Variants in HOMER1 observed in about 807,000 individuals in gnomAD.
The protein encoded by HOMER1 is homer protein homolog 1.
HOMER1 carries 3 observed loss-of-function variants against 48.9 expected under a neutral mutation model. The observed-to-expected ratio is 0.06, with a 90% CI of 0.03 to 0.16. The LOEUF is 0.16. Ranked by LOEUF, HOMER1 falls within the 10% of genes least tolerant of loss-of-function variation. The pLI is 1.00. For missense variants in HOMER1, 247 were observed against 411.4 expected (o/e 0.60, Z 3.46); for synonymous variants, 134 against 146.4 (o/e 0.92, Z 0.61).
chr5:79,501,364 C>T (rs1394021137), intron 1 of HOMER1, among the ~76,000 whole-genome samples: 1 of 152,132 alleles, frequency 6.6e-6, no homozygotes, highest in African/African-American at 2.4e-5. Flanking sequence ...TGTTAATCAA[C>T]TGTTTATGTT....
chr5:79,380,507 G>A (rs576354366), intron 8 of HOMER1, among the ~76,000 whole-genome samples: 6 of 152,214 alleles, frequency 3.9e-5, no homozygotes, highest in Admixed American at 6.5e-5. Flanking sequence ...GCTGAGGCAT[G>A]AGTGGCGTGC....
rs114741602 is a variant in HOMER1 at position 79,407,507 on chromosome 5, G to C, written c.528-5452C>G. 2.7e-3 allele frequency among the ~76,000 whole-genome samples: 414 copies of C among 152,296 alleles called. 4 individuals carry two copies. The highest frequency in any genetic ancestry group is 9.4e-3 in the African/African-American group (392 of 41,570). On this transcript the variant is annotated intron_variant, in intron 5 of 8. Transcript: ENST00000334082. The stretch of plus-strand genomic sequence containing the variant: ...GCAGAGCAATGAAAACTATGGGAAA[G>C]AACCCAACAGAAATGTTAGAAATAC...
intron 8 of HOMER1, among the ~76,000 whole-genome samples, chr5:79,389,789 C>T (rs1226281538): frequency 1.3e-5 from 2 of 151,824 alleles, no homozygotes; most frequent in African/African-American, 4.8e-5. Context: ...CACAAAAGGA[C>T]TAAGACAGGA....
intron 1 of HOMER1, among the ~76,000 whole-genome samples, chr5:79,460,058 T>C (rs1360285943): frequency 1.3e-5 from 2 of 152,316 alleles, no homozygotes; most frequent in East Asian, 3.9e-4. Flanking sequence ...TCTCACTATA[T>C]TGCCCAGGCT....
At chr5:79,484,798 C>T (rs1233823079) in intron 1 of HOMER1, among the ~76,000 whole-genome samples, 4 of 152,116 alleles carry the variant, frequency 2.6e-5, no homozygotes, top group African/African-American at 9.7e-5. Flanking sequence ...TTTTGTTCAC[C>T]TTGTGTCTCC....
chr5:79,420,250 T>C (rs553271993), intron 5 of HOMER1, among the ~76,000 whole-genome samples: 3 of 152,332 alleles, frequency 2.0e-5, no homozygotes, highest in East Asian at 3.9e-4. Context: ...AGCTAAATAG[T>C]GAACAATTCT....
In HOMER1 at chr5:79,448,115, T is replaced by C. The variant is rs1415378097; in HGVS notation, c.295-970A>G. 2.0e-5 allele frequency among the ~76,000 whole-genome samples: 3 copies of C among 152,168 alleles called. No homozygotes were observed. In the East Asian group the frequency reaches 5.8e-4, roughly 29 times the overall value. On this transcript the variant is annotated intron_variant, in intron 3 of 8. Coordinates refer to ENST00000334082, the MANE Select transcript of HOMER1 (RefSeq NM_004272.5). The stretch of plus-strand genomic sequence containing the variant: ...AATTAAAGCCATCATTATCACAACT[T>C]TTCCTTCTTACCTTAAACCTTGTCA...
intron 1 of HOMER1, among the ~76,000 whole-genome samples, chr5:79,506,893 C>A (rs1752787723): frequency 6.6e-6 from 1 of 151,734 alleles, no homozygotes; most frequent in Non-Finnish European, 1.5e-5. Flanking sequence ...TACTGAAGAC[C>A]ATTGAATGAT....
intron 8 of HOMER1, among the ~76,000 whole-genome samples, chr5:79,386,002 CTT>C (rs1435929138): frequency 6.6e-6 from 1 of 151,960 alleles, no homozygotes; most frequent in Non-Finnish European, 1.5e-5. Flanking sequence ...AAAGGGCACT[CTT>C]TTACACAATG....
intron 1 of HOMER1, among the ~76,000 whole-genome samples, chr5:79,494,886 T>C (rs1255640409): frequency 6.6e-6 from 1 of 152,184 alleles, no homozygotes; most frequent in East Asian, 1.9e-4. Context: ...AGTCCAAAAC[T>C]TCCTCCATAT....
chr5:79,429,282 T>C (rs942112018), intron 5 of HOMER1, among the ~76,000 whole-genome samples: 11 of 152,088 alleles, frequency 7.2e-5, no homozygotes, highest in African/African-American at 2.4e-4. Context: ...CTTTGAGGCA[T>C]GAAAATCGCT....
chr5:79,474,981 G>C (rs1751722289), intron 1 of HOMER1, among the ~76,000 whole-genome samples: 1 of 152,152 alleles, frequency 6.6e-6, no homozygotes, highest in Non-Finnish European at 1.5e-5. Context: ...TGTCCCAAAG[G>C]AGGGAAGCCA....
chr5:79,465,346 G>GA (rs200165267), intron 1 of HOMER1, among the ~76,000 whole-genome samples: 56 of 148,946 alleles, frequency 3.8e-4, no homozygotes, highest in African/African-American at 1.1e-3. Context: ...CTTTAAAAAA[G>GA]AAAAAAAAAT....
At chr5:79,389,782 A>C (rs1270280089) in intron 8 of HOMER1, among the ~76,000 whole-genome samples, 3 of 152,238 alleles carry the variant, frequency 2.0e-5, no homozygotes, top group Non-Finnish European at 4.4e-5. Context: ...ACAGCAGCAC[A>C]AAAGGACTAA....
At chr5:79,484,539 C>T (rs1484226906) in intron 1 of HOMER1, among the ~76,000 whole-genome samples, 1 of 151,952 alleles carries the variant, frequency 6.6e-6, no homozygotes, top group Admixed American at 6.6e-5. Context: ...CACTGCAAGA[C>T]CCTGTCTCTT....
At chr5:79,417,371 T>C (rs1233427968) in intron 5 of HOMER1, among the ~76,000 whole-genome samples, 1 of 152,186 alleles carries the variant, frequency 6.6e-6, no homozygotes, top group African/African-American at 2.4e-5. Flanking sequence ...CTCAATCTCC[T>C]GACCTCGTGA....
chr5:79,428,849 G>A (rs1174075040), intron 5 of HOMER1, among the ~76,000 whole-genome samples: 2 of 152,118 alleles, frequency 1.3e-5, no homozygotes, highest in Non-Finnish European at 2.9e-5. Context: ...GGAACATTTT[G>A]GCCGTGAGCT....
chr5:79,414,564 C>T (rs112299687), intron 5 of HOMER1, among the ~76,000 whole-genome samples: 3,701 of 150,720 alleles, frequency 0.025, 147 homozygotes, highest in African/African-American at 0.085. Flanking sequence ...TTTTTTGTAG[C>T]GAGGGGGTCT....
rs139502062 is a variant in HOMER1 at position 79,404,698 on chromosome 5, TTTTCTTTC to T, written c.528-2651_528-2644del. On this transcript the variant is annotated intron_variant, in intron 5 of 8. Transcript: ENST00000334082. ...TTCAAGAGGATCTTGACATTCTGCCTTTTCTTTCTTTCTTTCTTTCTTTGAGATGGAGT... is the reference window on the plus strand; with the variant it reads ...TTCAAGAGGATCTTGACATTCTGCCTTTTCTTTCTTTCTTTGAGATGGAGT... 7.3e-5 allele frequency among the ~76,000 whole-genome samples: 11 copies of T among 151,632 alleles called. No individual in the cohort carries two copies. In the East Asian group the frequency reaches 1.6e-3, roughly 21 times the overall value.
Sources: gnomAD v4.1 joint callset for allele counts (sites outside exome capture counted in the v4.1 genomes callset) on GRCh38, gnomAD v4.1.1 for gene constraint, MANE v1.5 for transcripts, NCBI Gene and HGNC (gene_info 2026-07-23, HGNC 2026-07-21) for gene names.